The following SGCZ variants were observed in gnomAD, a reference collection of about 807,000 sequenced individuals.
The protein encoded by SGCZ is sarcoglycan zeta.
Under a neutral mutation model 41.3 loss-of-function variants are expected in SGCZ, and 40 were observed. The ratio of observed to expected loss-of-function variants is 0.97; its 90% confidence interval spans 0.75 to 1.26. The LOEUF (loss-of-function observed/expected upper bound fraction) is 1.26, where lower values mean the gene tolerates loss of function less well. Among genes scored for constraint, SGCZ ranks in the 50% most tolerant of loss-of-function variants. The pLI, the probability that SGCZ is intolerant of heterozygous loss-of-function variation, is 0.00. For missense variants in SGCZ, 552 were observed against 369.8 expected (o/e 1.49, Z -4.04); for synonymous variants, 206 against 137.5 (o/e 1.50, Z -3.49).
chr8:14,511,929 G>T (rs542453822), intron 2 of SGCZ, among the ~76,000 whole-genome samples: 33 of 152,120 alleles, frequency 2.2e-4, no homozygotes, highest in Non-Finnish European at 4.7e-4. Flanking sequence ...TAATTTGAAA[G>T]GTTTATAGAT....
intron 1 of SGCZ, among the ~76,000 whole-genome samples, chr8:14,659,157 A>G (rs1807668835): frequency 6.6e-6 from 1 of 152,188 alleles, no homozygotes; most frequent in Admixed American, 6.6e-5. Flanking sequence ...ACCTCTGGAA[A>G]TACTAGTTTT....
chr8:14,528,539 C>T (rs994459835), intron 2 of SGCZ, among the ~76,000 whole-genome samples: 1 of 151,996 alleles, frequency 6.6e-6, no homozygotes, highest in African/African-American at 2.4e-5. Context: ...GAGTAAGTCT[C>T]GTTGGCCATT....
chr8:14,702,802 T>C lies in SGCZ; in HGVS notation c.40-147876A>G, dbSNP rs1332655293. On this transcript the variant is annotated intron_variant, in intron 1 of 7. Coordinates refer to ENST00000382080, the MANE Select transcript of SGCZ (RefSeq NM_139167.4). ...ATAGACAGACAGACAGGCAGACAGGTAGGTAGTTAGGTAGATAGATAGATA... is the reference window on the plus strand; with the variant it reads ...ATAGACAGACAGACAGGCAGACAGGCAGGTAGTTAGGTAGATAGATAGATA... Among the ~76,000 whole-genome samples, 11 of 138,138 alleles carry C rather than the reference T, an allele frequency of 8.0e-5. 1 individual carries two copies. The highest frequency in any genetic ancestry group is 2.9e-4 in the African/African-American group (11 of 38,110). 90.6% of individuals were successfully genotyped at this position (138,138 alleles called of 152,430 possible).
intron 2 of SGCZ, among the ~76,000 whole-genome samples, chr8:14,458,845 A>C (rs1800821935): frequency 6.6e-6 from 1 of 152,150 alleles, no homozygotes; most frequent in Non-Finnish European, 1.5e-5. Context: ...AACTCAAAAC[A>C]AACAAACAAA....
chr8:14,779,500 C>G (rs1019187162), intron 1 of SGCZ, among the ~76,000 whole-genome samples: 3 of 152,148 alleles, frequency 2.0e-5, no homozygotes, highest in Non-Finnish European at 4.4e-5. Flanking sequence ...AATTTGCTTA[C>G]TGAGTTGCTT....
intron 2 of SGCZ, among the ~76,000 whole-genome samples, chr8:14,554,049 C>T (rs1196537076): frequency 6.6e-6 from 1 of 152,066 alleles, no homozygotes; most frequent in East Asian, 1.9e-4. Context: ...CCAGATAAGT[C>T]ATGCTCATAG....
At chr8:14,453,212 G>A (rs1351186549) in intron 2 of SGCZ, among the ~76,000 whole-genome samples, 2 of 152,206 alleles carry the variant, frequency 1.3e-5, no homozygotes, top group East Asian at 1.9e-4. Context: ...AAGATGGTTT[G>A]TAAACATAAA....
chr8:14,961,858 T>A (rs960699586), intron 1 of SGCZ, among the ~76,000 whole-genome samples: 1 of 152,168 alleles, frequency 6.6e-6, no homozygotes, highest in Non-Finnish European at 1.5e-5. Context: ...TCAAGGTATA[T>A]GGCAATAGGG....
In SGCZ at chr8:14,408,984, T is replaced by TGTGCATGTGTGC. The variant is rs1294937976; in HGVS notation, c.235-84781_235-84780insGCACACATGCAC. Among the ~76,000 whole-genome samples, 556 of 151,286 alleles carry TGTGCATGTGTGC rather than the reference T, an allele frequency of 3.7e-3. 4 individuals carry two copies. The highest frequency in any genetic ancestry group is 0.012 in the South Asian group (56 of 4,786). On this transcript the variant is annotated intron_variant, in intron 2 of 7. Transcript: ENST00000382080. The stretch of plus-strand genomic sequence containing the variant: ...GTGTGTGTGTGTGCATGTGTGCGTG[T>TGTGCATGTGTGC]GTGTGTGTGTGTATTTTGTTTTTGG...
intron 1 of SGCZ, among the ~76,000 whole-genome samples, chr8:14,895,511 A>G (rs1450724954): frequency 6.6e-6 from 1 of 152,176 alleles, no homozygotes; most frequent in Non-Finnish European, 1.5e-5. Context: ...AAGCCTTATT[A>G]TAACATTCCC....
chr8:15,027,467 C>T (rs916941260), intron 1 of SGCZ, among the ~76,000 whole-genome samples: 5 of 152,050 alleles, frequency 3.3e-5, no homozygotes, highest in Non-Finnish European at 7.4e-5. Flanking sequence ...TTCCACTTTC[C>T]ATAACACAGG....
At chr8:14,668,337 T>C (rs1585167873) in intron 1 of SGCZ, among the ~76,000 whole-genome samples, 1 of 151,366 alleles carries the variant, frequency 6.6e-6, no homozygotes, top group Admixed American at 6.6e-5. Context: ...CACTTGAATA[T>C]ATGGTTTTTT....
At chr8:14,326,166 C>A (rs1336276548) in intron 2 of SGCZ, among the ~76,000 whole-genome samples, 1 of 127,710 alleles carries the variant, frequency 7.8e-6, no homozygotes, top group Admixed American at 8.8e-5. Flanking sequence ...GAATCTGTCA[C>A]TATGGATAAG....
At chr8:14,611,080 T>C (rs2117339654) in intron 1 of SGCZ, among the ~76,000 whole-genome samples, 1 of 152,238 alleles carries the variant, frequency 6.6e-6, no homozygotes, top group East Asian at 1.9e-4. Context: ...ATAATAATAA[T>C]CAGCTGGATA....
intron 7 of SGCZ, among the ~76,000 whole-genome samples, chr8:14,092,001 G>T (rs1234477823): frequency 4.6e-5 from 7 of 152,122 alleles, no homozygotes; most frequent in African/African-American, 1.7e-4. Flanking sequence ...TGTATAAGGT[G>T]TAAGGAAGGG....
intron 1 of SGCZ, among the ~76,000 whole-genome samples, chr8:14,790,248 T>A (rs1409226615): frequency 6.6e-6 from 1 of 152,140 alleles, no homozygotes; most frequent in Non-Finnish European, 1.5e-5. Flanking sequence ...GACCAAAAAG[T>A]AATTCCACTA....
At chr8:14,187,044 T>A (rs1441823492) in intron 4 of SGCZ, among the ~76,000 whole-genome samples, 1 of 152,128 alleles carries the variant, frequency 6.6e-6, no homozygotes, top group African/African-American at 2.4e-5. Context: ...TGGGTCTGGG[T>A]CAGGGAAAGA....
intron 4 of SGCZ, among the ~76,000 whole-genome samples, chr8:14,199,173 TC>T (rs1805374177): frequency 6.6e-6 from 1 of 152,192 alleles, no homozygotes. Context: ...ATTCTTTTTC[TC>T]AGCAAGGAAC....
At chr8:15,010,844 A>C (rs1170155139) in intron 1 of SGCZ, among the ~76,000 whole-genome samples, 2 of 152,184 alleles carry the variant, frequency 1.3e-5, no homozygotes, top group African/African-American at 2.4e-5. Flanking sequence ...TTGGGCTAAG[A>C]AACACGACGT....
Sources: allele counts gnomAD v4.1 joint callset (sites outside exome capture counted in the v4.1 genomes callset), GRCh38; gene constraint gnomAD v4.1.1; transcripts MANE v1.5; gene names NCBI Gene and HGNC (gene_info 2026-07-23, HGNC 2026-07-21).